DYNC2I1: variants seen among roughly 807,000 people sequenced by gnomAD.
DYNC2I1 encodes dynein 2 intermediate chain 1.
DYNC2I1 carries 89 observed loss-of-function variants against 133.4 expected under a neutral mutation model. The ratio of observed to expected loss-of-function variants is 0.67; its 90% CI spans 0.56 to 0.80. DYNC2I1 has a LOEUF of 0.80. Among genes scored for constraint, DYNC2I1 ranks in the 30% least tolerant of loss-of-function variants. The pLI, the probability that DYNC2I1 is intolerant of heterozygous loss-of-function variation, is 0.00. For missense variants in DYNC2I1, 1,291 were observed against 1,314.5 expected (o/e 0.98, Z 0.28); for synonymous variants, 504 against 484.3 (o/e 1.04, Z -0.54).
the DYNC2I1 span, among the ~76,000 whole-genome samples, chr7:158,842,459 C>T: frequency 1.3e-5 from 2 of 152,222 alleles, no homozygotes; most frequent in Non-Finnish European, 2.9e-5. Flanking sequence ...TCAGTCCGTC[C>T]ACCTGCTTCT....
chr7:158,950,205 A>G (rs1852013695), downstream of DYNC2I1, among the ~76,000 whole-genome samples: 1 of 152,224 alleles, frequency 6.6e-6, no homozygotes, highest in Non-Finnish European at 1.5e-5. Flanking sequence ...CTGGGATGAC[A>G]GGTGTGCACC....
At chr7:158,892,587 A>T (rs894840077) in intron 8 of DYNC2I1, among the ~76,000 whole-genome samples, 6 of 151,940 alleles carry the variant, frequency 3.9e-5, no homozygotes, top group Non-Finnish European at 8.8e-5. Flanking sequence ...GATCATAGGC[A>T]TGAGACACTA....
At position 158,891,277 on chromosome 7, in the gene DYNC2I1, G is replaced by A. The variant is rs886100816; in HGVS notation, c.1003G>A (p.Glu335Lys). The change falls in exon 8 of 25, where the codon GAA becomes AAA. Residue 335 changes from glutamate (E) to lysine (K), a missense_variant. Transcript: ENST00000407559. ...KDSRRKHGHE[E>K]GSSVWWKLDQ... ...CTCTCTCCATTAGCATGGCCACGAG[G>A]AAGGCTCTTCTGTGTGGTGGAAGCT... The A allele has an allele frequency of 5.6e-6, 9 of 1,613,932 alleles. No homozygotes were observed. The highest frequency in any genetic ancestry group is 7.6e-6 in the Non-Finnish European group (9 of 1,179,904).
At chr7:158,958,407 G>A (rs1852254705), downstream of DYNC2I1, among the ~76,000 whole-genome samples, 1 of 152,248 alleles carries the variant, frequency 6.6e-6, no homozygotes, top group African/African-American at 2.4e-5. Flanking sequence ...GTCCTGTTCT[G>A]TGCGCGGATC....
chr7:158,956,038 G>C (rs1852188865), intron 4 of DYNC2I1, among the ~76,000 whole-genome samples: 1 of 152,248 alleles, frequency 6.6e-6, no homozygotes, highest in African/African-American at 2.4e-5. Flanking sequence ...AATTTGGCCT[G>C]TCATTGGATT....
chr7:158,906,865 A>G (rs62476465), intron 11 of DYNC2I1, among the ~76,000 whole-genome samples: 3,645 of 152,340 alleles, frequency 0.024, 62 homozygotes, highest in Admixed American at 0.053. Flanking sequence ...GAAAAAATCA[A>G]TCATTAATAA....
At chr7:158,954,322 A>G (rs1431471583) in intron 4 of DYNC2I1, among the ~76,000 whole-genome samples, 2 of 152,144 alleles carry the variant, frequency 1.3e-5, no homozygotes, top group African/African-American at 4.8e-5. Context: ...ACTTATTAAG[A>G]CCAGGGCATT....
At chr7:158,914,756 G>A (rs1194844195) in intron 14 of DYNC2I1, among the ~76,000 whole-genome samples, 1 of 152,176 alleles carries the variant, frequency 6.6e-6, no homozygotes, top group African/African-American at 2.4e-5. Flanking sequence ...AGGTACTTTA[G>A]TGGTTATCAC....
chr7:158,887,862 C>T (rs1585040949), intron 7 of DYNC2I1, among the ~76,000 whole-genome samples: 1 of 152,006 alleles, frequency 6.6e-6, no homozygotes, highest in Admixed American at 6.6e-5. Flanking sequence ...AGAATTGTAC[C>T]CTGTGCTGAG....
rs1846348621 is a variant in DYNC2I1, at chr7:158,902,476, A to G, written c.1238A>G (p.Lys413Arg). ...EKLEELPLAQ[K>R]KEIQEIQRAI... ...CTGGAAGAACTTCCTCTAGCTCAAAAAAAGGAAATACAAGAAATTCAAAGA... is the reference window on the plus strand; with the variant it reads ...CTGGAAGAACTTCCTCTAGCTCAAAGAAAGGAAATACAAGAAATTCAAAGA... Residue 413 changes from lysine to arginine, a missense_variant, in exon 10 of 25, where the codon AAA becomes AGA. Transcript: ENST00000407559. 6.2e-7 allele frequency: 1 copy of G among 1,614,030 alleles called. No individual in the cohort carries two copies. The highest frequency in any genetic ancestry group is 8.5e-7 in the Non-Finnish European group (1 of 1,179,880).
At chr7:158,913,218 A>C (rs1847666314) in intron 13 of DYNC2I1, 122 bp downstream of exon 13, 1 of 726,948 alleles carries the variant, frequency 1.4e-6, no homozygotes, top group African/African-American at 1.8e-5. Flanking sequence ...GGTTGTTAGC[A>C]TGTGACAATA....
intron 11 of DYNC2I1, among the ~76,000 whole-genome samples, chr7:158,910,199 A>G (rs1204819530): frequency 3.3e-5 from 5 of 152,264 alleles, no homozygotes; most frequent in Admixed American, 6.5e-5. Context: ...AAAACCCAGC[A>G]CAGGCGATGG....
chr7:158,916,632 C>G lies in DYNC2I1; in HGVS notation c.1792-2108C>G, dbSNP rs375988246. 2.0e-3 allele frequency among the ~76,000 whole-genome samples: 146 copies of G among 72,218 alleles called. 44 individuals are homozygous for G. Among genetic ancestry groups the G allele is most frequent in the Non-Finnish European group, 4.1e-3 (127 of 30,954 alleles). 47.4% of individuals were successfully genotyped at this position (72,218 alleles called of 152,430 possible). On this transcript the variant is annotated intron_variant, in intron 14 of 24. Coordinates refer to ENST00000407559, the MANE Select transcript of DYNC2I1 (RefSeq NM_018051.5). ...GACATTAAGGATGATTGTGAAACGT[C>G]TACACGCTGGTTGACATTTAGGGTG...
intron 6 of DYNC2I1, among the ~76,000 whole-genome samples, chr7:158,886,412 G>A (rs1393313103): frequency 6.6e-6 from 1 of 152,112 alleles, no homozygotes; most frequent in African/African-American, 2.4e-5. Context: ...GGGATTACAG[G>A]TGTGAGCCAC....
At position 158,913,002 on chromosome 7, in the gene DYNC2I1, C is replaced by T. The variant is rs753410636; in HGVS notation, c.1608C>T (p.Asn536=). The T allele has an allele frequency of 4.9e-5, 79 of 1,611,606 alleles. No homozygotes were observed. The highest frequency in any genetic ancestry group is 6.2e-5 in the Non-Finnish European group (73 of 1,178,900). The change falls in exon 13 of 25, where the codon AAC becomes AAT. Residue 536 remains asparagine (N), a synonymous_variant. Coordinates refer to ENST00000407559, the MANE Select transcript of DYNC2I1 (RefSeq NM_018051.5). ...TTTTTAAGGCATATGTTCAGTGTAA[C>T]GAAGATAATGTTGAAAGAGACATTC... ...KNTKQAYVQC[N]EDNVERDIQT...
In DYNC2I1 at chr7:158,911,426, C is replaced by T. The variant is rs1847464143; in HGVS notation, c.1461-124C>T. The T allele has an allele frequency of 1.4e-5, 15 of 1,066,612 alleles. No homozygotes were observed. In the East Asian group the frequency reaches 3.1e-4, roughly 22 times the overall value. 66.1% of individuals were successfully genotyped at this position (1,066,612 alleles called of 1,614,324 possible). ...GCTGTTAAATATCTCAGACTCACCC[C>T]AGCCTGAAGCTAGGTTTCTGACAAT... On this transcript the variant is annotated intron_variant, in intron 11 of 24. Transcript: ENST00000407559.
Position 158,876,650 on chromosome 7 carries a change from AGAG to A in DYNC2I1, c.536_538del (p.Gly179del). Reference sequence around the variant, plus strand: ...TGAAGAGAAAGATGAAGACTCTGAAAGAGGAGATGAAGATAGAGAAAGAAGATA... The same window carrying A: ...TGAAGAGAAAGATGAAGACTCTGAAAGAGATGAAGATAGAGAAAGAAGATA... On this transcript the variant is annotated inframe_deletion, in exon 4 of 25. Coordinates refer to ENST00000407559, the MANE Select transcript of DYNC2I1 (RefSeq NM_018051.5). 1 of 1,583,100 alleles carries A rather than the reference AGAG, an allele frequency of 6.3e-7. No homozygotes were observed. Among genetic ancestry groups the A allele is most frequent in the Non-Finnish European group, 8.5e-7 (1 of 1,170,850 alleles).
rs373874385 is a variant in DYNC2I1, at chr7:158,913,071, G to A, written c.1677G>A (p.Pro559=). Residue 559 remains proline, a synonymous_variant, in exon 13 of 25, where the codon CCG becomes CCA. Coordinates refer to ENST00000407559, the MANE Select transcript of DYNC2I1 (RefSeq NM_018051.5). ...CCAGGGAAGTGTGGACCCAGCACCC[G>A]GGAGAAAGTACTGTTGTATCTGGAG... is the stretch of plus-strand genomic sequence containing the variant. ...IETREVWTQH[P]GESTVVSGGS... is the part of the protein sequence containing the mutation. The A allele has an allele frequency of 1.5e-5, 24 of 1,613,148 alleles. No homozygotes were observed. The highest frequency in any genetic ancestry group is 5.0e-5 in the Admixed American group (3 of 59,964).
intron 6 of DYNC2I1, among the ~76,000 whole-genome samples, chr7:158,885,993 C>A (rs994465223): frequency 1.3e-5 from 2 of 149,834 alleles, no homozygotes; most frequent in South Asian, 2.1e-4. Flanking sequence ...CAAGATAAAT[C>A]TTTCTTTTAG....
Sources: allele counts gnomAD v4.1 joint callset (sites outside exome capture counted in the v4.1 genomes callset), GRCh38; gene constraint gnomAD v4.1.1; transcripts MANE v1.5; gene names NCBI Gene and HGNC (gene_info 2026-07-23, HGNC 2026-07-21).